The following RPP40 variants were observed in gnomAD, a reference collection of about 807,000 sequenced individuals.
The protein encoded by RPP40 is ribonuclease P protein subunit p40.
A neutral mutation model predicts 42.5 loss-of-function variants in RPP40; 30 were observed. The ratio of observed to expected loss-of-function variants is 0.71; its 90% CI spans 0.53 to 0.96. The LOEUF is 0.96. RPP40 is among the 40% of genes least tolerant of loss of function. RPP40 has a pLI of 0.00. For synonymous variants in RPP40, 173 were observed against 164.0 expected, an observed-to-expected ratio of 1.05 and a Z score of -0.42; for missense variants, 426 against 433.5, an observed-to-expected ratio of 0.98 and a Z score of 0.15.
intron 4 of RPP40, among the ~76,000 whole-genome samples, 185 bp from the exon 5 acceptor site, chr6:4,999,026 C>A (rs1417095590): frequency 6.6e-6 from 1 of 152,140 alleles, no homozygotes; most frequent in Non-Finnish European, 1.5e-5. Context: ...GCACTTCTAA[C>A]CTTGAGAGCT....
In RPP40 at chr6:4,996,243, G is replaced by A. The variant is rs377334812; in HGVS notation, c.737C>T (p.Ala246Val). 7.4e-6 allele frequency: 12 copies of A among 1,613,782 alleles called. No individual in the cohort carries two copies. The highest frequency in any genetic ancestry group is 1.0e-5 in the Non-Finnish European group (12 of 1,179,980). ...RALELFDWLG[A>V]VFSNVDLNNE... The stretch of plus-strand genomic sequence containing the variant: ...CCACAGGTCGACATTACTGAAGACG[G>A]CGCCGAGCCAGTCGAAGAGCTCCAG... Residue 246 changes from alanine (A) to valine (V), a missense_variant, in exon 6 of 8, where the codon GCC becomes GTC. Coordinates refer to ENST00000380051, the MANE Select transcript of RPP40 (RefSeq NM_006638.4).
At position 5,003,865 on chromosome 6, in the gene RPP40, G is replaced by C; in HGVS notation, c.123+15C>G. The C allele has an allele frequency of 6.2e-7, 1 of 1,601,582 alleles. No individual in the cohort carries two copies. The highest frequency in any genetic ancestry group is 8.5e-7 in the Non-Finnish European group (1 of 1,170,380). On this transcript the variant is annotated intron_variant, in intron 1 of 7. Coordinates refer to ENST00000380051, the MANE Select transcript of RPP40 (RefSeq NM_006638.4). ...ACTGAGCACGGCCCGAAAAGCCGAG[G>C]ACAGCCGGACTCACCCTGTAGTTAT...
chr6:5,002,130 G>C lies in RPP40; in HGVS notation c.239C>G (p.Pro80Arg). The C allele has an allele frequency of 6.2e-7, 1 of 1,611,914 alleles. No homozygotes were observed. The highest frequency in any genetic ancestry group is 8.5e-7 in the Non-Finnish European group (1 of 1,178,176). The change falls in exon 2 of 8, where the codon CCT (proline) becomes CGT (arginine). Residue 80 changes from proline to arginine, a missense_variant. Transcript: ENST00000380051. ...CTTTATAAAGGTACTGATGAATTCA[G>C]GTGTAATTAATTCATGAAGAGGTAA... Reference protein sequence around the residue: ...KNLPLHELITPEFISTFIKKG... With the variant: ...KNLPLHELITREFISTFIKKG...
At chr6:5,002,014 A>C (rs945874005) in intron 2 of RPP40, 87 bp downstream of exon 2, 2 of 1,241,588 alleles carry the variant, frequency 1.6e-6, no homozygotes, top group Non-Finnish European at 1.1e-6. Flanking sequence ...CCCTGTTTGA[A>C]ACAAAACAAC....
chr6:4,998,490 A>C (rs1052264684), intron 5 of RPP40, among the ~76,000 whole-genome samples: 4 of 152,252 alleles, frequency 2.6e-5, no homozygotes, highest in African/African-American at 9.6e-5. Context: ...CTGGATCTAC[A>C]TATAACCCAA....
chr6:5,003,701 C>A (rs1360799965), intron 1 of RPP40, 179 bp downstream of exon 1: 1 of 723,360 alleles, frequency 1.4e-6, no homozygotes. Context: ...GTCCTGTAGC[C>A]CTGCAAGCCA....
rs1160078860 is a variant in RPP40 at position 5,002,388 on chromosome 6, T to TTTA, written c.124-144_124-143insTAA. 1.8e-5 allele frequency: 12 copies of TTTA among 666,916 alleles called. No individual in the cohort carries two copies. The African/African-American group carries it at 2.2e-4, about 12-fold the overall frequency. The allele number at this position is 666,916 out of a possible 1,614,324, so 41.3% of individuals were successfully genotyped here. A position where few individuals can be genotyped will look rare whatever the true frequency, so the allele number is the denominator to read the frequency against. On this transcript the variant is annotated intron_variant, in intron 1 of 7. Transcript: ENST00000380051. The stretch of plus-strand genomic sequence containing the variant: ...AAAAACACGGGCAACAAAACTCTTA[T>TTTA]GTTAACTTACCTATCTCAGGCAAAG...
chr6:4,990,296 TTTCTTATCTTG>T (rs1273607752), downstream of RPP40, among the ~76,000 whole-genome samples: 2 of 152,242 alleles, frequency 1.3e-5, no homozygotes, highest in Non-Finnish European at 2.9e-5. Context: ...TTATTACCTG[TTTCTTATCTTG>T]TAGGACTCAA....
rs1348961074 is a variant in RPP40 at position 5,000,677 on chromosome 6, C to T, written c.269-46G>A. The T allele has an allele frequency of 2.6e-6, 3 of 1,146,148 alleles. No homozygotes were observed. The African/African-American group carries it at 4.6e-5, about 18-fold the overall frequency. The allele number at this position is 1,146,148 out of a possible 1,614,324, so 71.0% of individuals were successfully genotyped here. A position where few individuals can be genotyped will look rare whatever the true frequency, so the allele number is the denominator to read the frequency against. On this transcript the variant is annotated intron_variant, in intron 2 of 7. Coordinates refer to ENST00000380051, the MANE Select transcript of RPP40 (RefSeq NM_006638.4). ...GAAAAATTTAAAACAAGAAATTACA[C>T]CTGCAAGATGTTAGTGGATTATTTT...
chr6:5,003,999 C>T lies in RPP40; in HGVS notation c.4G>A (p.Ala2Thr), dbSNP rs765981570. Reference protein sequence around the residue: MATLRRLREAPR... With the variant: MTTLRRLREAPR... ...GCCTCCCGAAGCCGGCGCAGCGTGG[C>T]CATGCTCTCCTGGGTTCCTGGTCCT... The change falls in exon 1 of 8, where the codon GCC (alanine) becomes ACC (threonine). Residue 2 changes from alanine to threonine, a missense_variant. Transcript: ENST00000380051. 3 of 1,606,904 alleles carry T rather than the reference C, an allele frequency of 1.9e-6. No homozygotes were observed. Among genetic ancestry groups the T allele is most frequent in the Non-Finnish European group, 1.7e-6 (2 of 1,177,540 alleles).
At chr6:5,001,125 AG>A in intron 2 of RPP40, 1 of 456,788 alleles carries the variant, frequency 2.2e-6, no homozygotes, top group Non-Finnish European at 4.4e-6. Context: ...GGTCCAAAGT[AG>A]AATTCTAGAT....
intron 1 of RPP40, among the ~76,000 whole-genome samples, chr6:5,003,204 G>A (rs892974583): frequency 1.3e-5 from 2 of 151,872 alleles, no homozygotes; most frequent in Non-Finnish European, 2.9e-5. Context: ...AAAATTAGCC[G>A]GGCGTGGTGG....
chr6:4,994,494 T>C (rs1759311154), downstream of RPP40, among the ~76,000 whole-genome samples: 1 of 152,242 alleles, frequency 6.6e-6, no homozygotes, highest in South Asian at 2.1e-4. Flanking sequence ...TTTCAACCTG[T>C]TCTGTAACGA....
intron 1 of RPP40, 32 bp downstream of exon 1, chr6:5,003,848 C>T (rs767436488): frequency 3.8e-6 from 6 of 1,592,248 alleles, no homozygotes; most frequent in Admixed American, 3.4e-5. Flanking sequence ...GGACTGAGCA[C>T]GGCCCGAAAA....
At chr6:5,002,326 G>A (rs1581325738) in intron 1 of RPP40, 81 bp from the exon 2 acceptor site, 1 of 1,243,400 alleles carries the variant, frequency 8.0e-7, no homozygotes, top group Non-Finnish European at 1.1e-6. Context: ...ACAAAATCAT[G>A]AAAGTTGTTA....
chr6:4,992,155 G>C (rs1759269482), downstream of RPP40, among the ~76,000 whole-genome samples: 1 of 151,560 alleles, frequency 6.6e-6, no homozygotes, highest in Non-Finnish European at 1.5e-5. Flanking sequence ...GGCCAATAAG[G>C]TGAAACCCTG....
chr6:5,002,265 A>G lies in RPP40; in HGVS notation c.124-20T>C, dbSNP rs1317441511. On this transcript the variant is annotated intron_variant, in intron 1 of 7. Transcript: ENST00000380051. ...TGAAACCTATTGGAATGTGTAATACAAACAAGGTCTTACTTCCATGAAGAT... is the reference window on the plus strand; with the variant it reads ...TGAAACCTATTGGAATGTGTAATACGAACAAGGTCTTACTTCCATGAAGAT... 5 of 1,579,638 alleles carry G rather than the reference A, an allele frequency of 3.2e-6. No individual in the cohort carries two copies. Among genetic ancestry groups the G allele is most frequent in the Non-Finnish European group, 4.3e-6 (5 of 1,164,414 alleles).
At chr6:4,994,078 T>A (rs1759300859), downstream of RPP40, among the ~76,000 whole-genome samples, 1 of 151,868 alleles carries the variant, frequency 6.6e-6, no homozygotes, top group African/African-American at 2.4e-5. Flanking sequence ...AAAAAAAAAT[T>A]TTTTTTTCCC....
intron 2 of RPP40, chr6:5,001,092 AC>A (rs1471156226): frequency 1.5e-5 from 7 of 456,946 alleles, no homozygotes; most frequent in Admixed American, 4.7e-5. Flanking sequence ...ACGGAACGTG[AC>A]CTTTGGGGAT....
Sources: allele counts gnomAD v4.1 joint callset (sites outside exome capture counted in the v4.1 genomes callset), GRCh38; gene constraint gnomAD v4.1.1; transcripts MANE v1.5; gene names NCBI Gene and HGNC (gene_info 2026-07-23, HGNC 2026-07-21).